The following MED13L variants were observed in gnomAD, a reference collection of about 807,000 sequenced individuals.
The protein encoded by MED13L is mediator complex subunit 13L.
A neutral mutation model predicts 220.9 loss-of-function variants in MED13L; 7 were observed. That is an observed-to-expected ratio of 0.03 (90% CI 0.02 to 0.06). The LOEUF (loss-of-function observed/expected upper bound fraction) is 0.06. Among genes scored for constraint, MED13L ranks in the 10% least tolerant of loss-of-function variants. The probability of loss-of-function intolerance (pLI) is 1.00; values close to 1 mark genes in which losing one functional copy is unlikely to be tolerated. For synonymous variants in MED13L, 1,011 were observed against 1,015.2 expected (o/e 1.00, Z 0.08); for missense variants, 1,965 against 2,760.5 (o/e 0.71, Z 6.46).
At chr12:116,006,469 T>C in intron 11 of MED13L, 58 bp from the exon 12 acceptor site, 3 of 1,325,676 alleles carry the variant, frequency 2.3e-6, no homozygotes, top group Non-Finnish European at 3.3e-6. Flanking sequence ...GTGTGAAATA[T>C]GAGGGAGAAC....
At chr12:116,241,180 C>A (rs956705121) in intron 1 of MED13L, among the ~76,000 whole-genome samples, 1 of 151,638 alleles carries the variant, frequency 6.6e-6, no homozygotes, top group African/African-American at 2.4e-5. Context: ...GGTGGTGCAC[C>A]TGTAATCCCA....
In MED13L at chr12:116,269,097, T is replaced by C. The variant is rs142322418; in HGVS notation, c.72+7963A>G. Reference sequence around the variant, plus strand: ...TTTTGTTTGAGACAGTCTCGTTCTGTCATCAGGCTGGAGTGCAGTGGCACA... The same window carrying C: ...TTTTGTTTGAGACAGTCTCGTTCTGCCATCAGGCTGGAGTGCAGTGGCACA... On this transcript the variant is annotated intron_variant, in intron 1 of 30. Transcript: ENST00000281928. Among the ~76,000 whole-genome samples the C allele has an allele frequency of 2.6e-5, 4 of 152,264 alleles. No individual in the cohort carries two copies. The East Asian group carries it at 7.7e-4, about 29-fold the overall frequency.
At chr12:116,213,764 T>G (rs903939281) in intron 2 of MED13L, among the ~76,000 whole-genome samples, 2 of 152,200 alleles carry the variant, frequency 1.3e-5, no homozygotes, top group African/African-American at 4.8e-5. Context: ...CAAATTCCTA[T>G]CTGAGGCTTC....
rs1592915963 is a variant in MED13L at position 115,984,343 on chromosome 12, G to A, written c.4368C>T (p.Ile1456=). 3.1e-6 allele frequency: 5 copies of A among 1,613,964 alleles called. No homozygotes were observed. Among genetic ancestry groups the A allele is most frequent in the Non-Finnish European group, 4.2e-6 (5 of 1,180,000 alleles). ...EMCRLGQHKP[I]CKVLRDGIMR... ...TGATCCCGTCACGTAGCACTTTGCA[G>A]ATGGGCTTGTGCTGCCCAAGCCTAC... The change falls in exon 20 of 31, where the codon ATC becomes ATT. Residue 1456 remains isoleucine (I), a synonymous_variant. Transcript: ENST00000281928.
chr12:116,061,325 T>C (rs1408307151), intron 4 of MED13L, among the ~76,000 whole-genome samples: 1 of 152,192 alleles, frequency 6.6e-6, no homozygotes, highest in Non-Finnish European at 1.5e-5. Context: ...ACAAATAATA[T>C]GTATCTTTTA....
chr12:116,207,026 A>G (rs1387600668), intron 2 of MED13L, among the ~76,000 whole-genome samples: 1 of 152,170 alleles, frequency 6.6e-6, no homozygotes, highest in Non-Finnish European at 1.5e-5. Context: ...CAAAATATAC[A>G]CTAAGAACAA....
intron 1 of MED13L, among the ~76,000 whole-genome samples, chr12:116,268,997 T>C (rs568210646): frequency 1.7e-4 from 26 of 152,248 alleles, no homozygotes; most frequent in Non-Finnish European, 2.4e-4. Context: ...TTTTGTTACA[T>C]AGGTAAACAT....
intron 9 of MED13L, among the ~76,000 whole-genome samples, chr12:116,012,591 A>C (rs1879478082): frequency 6.6e-6 from 1 of 152,202 alleles, no homozygotes; most frequent in African/African-American, 2.4e-5. Context: ...TGTGGGAGCA[A>C]TATGTTAACA....
chr12:116,022,504 T>C lies in MED13L; in HGVS notation c.577A>G (p.Asn193Asp). ...TGAGCCATGTGTATATGCTCCTCAT[T>C]GATCAAATAAATTGGCTGGTGCTGG... ...IAQHQPIYLI[N>D]EEHIHMAQSS... Residue 193 changes from asparagine (N) to aspartate (D), a missense_variant, in exon 5 of 31, where the codon AAT (asparagine) becomes GAT (aspartate). By Grantham distance (23) the Asn-to-Asp change is conservative. Transcript: ENST00000281928. 6.2e-7 allele frequency: 1 copy of C among 1,613,862 alleles called. No homozygotes were observed. The highest frequency in any genetic ancestry group is 1.1e-5 in the South Asian group (1 of 91,030).
chr12:116,035,403 A>C (rs1372355717), intron 4 of MED13L, among the ~76,000 whole-genome samples: 5 of 152,210 alleles, frequency 3.3e-5, no homozygotes, highest in African/African-American at 7.2e-5. Flanking sequence ...TAAACTATGC[A>C]ATCTTTACAA....
At chr12:116,170,608 G>GTTTTTT (rs869277948) in intron 2 of MED13L, among the ~76,000 whole-genome samples, 1 of 124,500 alleles carries the variant, frequency 8.0e-6, no homozygotes, top group African/African-American at 2.9e-5. Flanking sequence ...TTTTTTTTTT[G>GTTTTTT]TTTTTTTTTT....
At chr12:116,222,557 A>G (rs1868539147) in intron 2 of MED13L, among the ~76,000 whole-genome samples, 1 of 152,176 alleles carries the variant, frequency 6.6e-6, no homozygotes, top group African/African-American at 2.4e-5. Flanking sequence ...GGAAAGTCTG[A>G]CTCACTAATG....
intron 3 of MED13L, among the ~76,000 whole-genome samples, chr12:116,107,877 G>A (rs1275217166): frequency 6.6e-6 from 1 of 152,168 alleles, no homozygotes; most frequent in African/African-American, 2.4e-5. Flanking sequence ...GGATCACGAG[G>A]TCAGGAGTTC....
intron 2 of MED13L, among the ~76,000 whole-genome samples, chr12:116,235,089 C>T (rs749076761): frequency 6.6e-6 from 1 of 152,156 alleles, no homozygotes; most frequent in Admixed American, 6.5e-5. Context: ...TTTTTCATGA[C>T]TGCTATCGTA....
chr12:116,209,424 C>T (rs975278871), intron 2 of MED13L, among the ~76,000 whole-genome samples: 1 of 151,954 alleles, frequency 6.6e-6, no homozygotes, highest in African/African-American at 2.4e-5. Flanking sequence ...TGTGCTAGAA[C>T]ATATATCCCT....
chr12:116,215,952 T>C (rs1413686956), intron 2 of MED13L, among the ~76,000 whole-genome samples: 4 of 152,220 alleles, frequency 2.6e-5, no homozygotes, highest in Non-Finnish European at 4.4e-5. Context: ...GTCTACTGAA[T>C]GGTGGTAATG....
At chr12:116,165,424 G>A (rs770543843) in intron 2 of MED13L, among the ~76,000 whole-genome samples, 9 of 151,690 alleles carry the variant, frequency 5.9e-5, no homozygotes, top group East Asian at 1.9e-4. Context: ...TCTGCCTCCC[G>A]AGTTCACGCC....
chr12:116,273,622 T>C (rs1873575204), intron 1 of MED13L, among the ~76,000 whole-genome samples: 1 of 152,194 alleles, frequency 6.6e-6, no homozygotes, highest in Non-Finnish European at 1.5e-5. Flanking sequence ...ACTAATGGTC[T>C]TCAATAGGAA....
At chr12:116,247,539 G>C (rs1310437714) in intron 1 of MED13L, among the ~76,000 whole-genome samples, 1 of 152,150 alleles carries the variant, frequency 6.6e-6, no homozygotes, top group East Asian at 1.9e-4. Flanking sequence ...ATTCTTCTCA[G>C]CCATAGCTAT....
Sources: gnomAD v4.1 joint callset for allele counts (sites outside exome capture counted in the v4.1 genomes callset) on GRCh38, gnomAD v4.1.1 for gene constraint, MANE v1.5 for transcripts, NCBI Gene and HGNC (gene_info 2026-07-23, HGNC 2026-07-21) for gene names.